The following VKORC1L1 variants were observed in gnomAD, a reference collection of about 807,000 sequenced individuals.
VKORC1L1 encodes vitamin K epoxide reductase complex subunit 1-like protein 1.
Under a neutral mutation model 18.9 loss-of-function variants are expected in VKORC1L1, and 2 were observed. The observed-to-expected ratio is 0.11, with a 90% CI of 0.04 to 0.33. The LOEUF (loss-of-function observed/expected upper bound fraction) is 0.33. Ranked by LOEUF, VKORC1L1 falls within the 10% of genes least tolerant of loss-of-function variation. The probability of loss-of-function intolerance (pLI) is 1.00; values close to 1 mark genes in which losing one functional copy is unlikely to be tolerated. For missense variants in VKORC1L1, 123 were observed against 224.1 expected, an observed-to-expected ratio of 0.55 and a Z score of 2.88; for synonymous variants, 96 against 100.0, an observed-to-expected ratio of 0.96 and a Z score of 0.24.
At chr7:65,952,295 C>G (rs538257851) in intron 2 of VKORC1L1, among the ~76,000 whole-genome samples, 1 of 152,314 alleles carries the variant, frequency 6.6e-6, no homozygotes, top group African/African-American at 2.4e-5. Flanking sequence ...CGCAGCCACT[C>G]AACTCTTCTA....
chr7:65,934,898 CA>C (rs1789915672), intron 1 of VKORC1L1, among the ~76,000 whole-genome samples: 1 of 151,752 alleles, frequency 6.6e-6, no homozygotes, highest in Non-Finnish European at 1.5e-5. Context: ...ACTAAAAATA[CA>C]AAAAATTAGC....
chr7:65,895,045 G>T (rs1789168672), intron 1 of VKORC1L1, among the ~76,000 whole-genome samples: 1 of 152,170 alleles, frequency 6.6e-6, no homozygotes, highest in African/African-American at 2.4e-5. Flanking sequence ...GTCAGTATCT[G>T]CTGTAAGTTG....
chr7:65,923,647 A>C (rs1381322279), intron 1 of VKORC1L1, among the ~76,000 whole-genome samples: 1 of 152,208 alleles, frequency 6.6e-6, no homozygotes, highest in East Asian at 1.9e-4. Context: ...ATGAAAAGGA[A>C]GGACGGTATT....
intron 1 of VKORC1L1, among the ~76,000 whole-genome samples, chr7:65,938,771 G>C (rs1789987540): frequency 6.6e-6 from 1 of 152,186 alleles, no homozygotes; most frequent in Non-Finnish European, 1.5e-5. Context: ...CTCCTAAAGA[G>C]CCCGAACAGC....
At chr7:65,915,022 C>T (rs558461372) in intron 1 of VKORC1L1, among the ~76,000 whole-genome samples, 20 of 152,070 alleles carry the variant, frequency 1.3e-4, no homozygotes, top group African/African-American at 3.9e-4. Flanking sequence ...CAAAAAAACC[C>T]GCAAATACTT....
At chr7:65,891,265 T>C (rs1439432604) in intron 1 of VKORC1L1, among the ~76,000 whole-genome samples, 4 of 152,148 alleles carry the variant, frequency 2.6e-5, no homozygotes, top group African/African-American at 9.7e-5. Context: ...ATGAACATTC[T>C]CATATATACT....
intron 1 of VKORC1L1, among the ~76,000 whole-genome samples, chr7:65,897,362 G>T (rs1789231945): frequency 6.6e-6 from 1 of 152,196 alleles, no homozygotes; most frequent in Non-Finnish European, 1.5e-5. Context: ...TAGGAAGATA[G>T]CTACTTCCGT....
At chr7:65,922,490 G>A (rs1254279189) in intron 1 of VKORC1L1, among the ~76,000 whole-genome samples, 1 of 152,082 alleles carries the variant, frequency 6.6e-6, no homozygotes, top group Non-Finnish European at 1.5e-5. Context: ...TGCCACATTG[G>A]CCAGGCTGGA....
At chr7:65,904,055 C>A (rs539358194) in intron 1 of VKORC1L1, among the ~76,000 whole-genome samples, 106 of 151,964 alleles carry the variant, frequency 7.0e-4, no homozygotes, top group African/African-American at 2.4e-3. Context: ...GATGGTTGCA[C>A]AACATTGTGA....
Position 65,957,484 on chromosome 7 carries a change from CA to C in VKORC1L1, c.*3194del, listed in dbSNP as rs768068700. On this transcript the variant is annotated 3_prime_UTR_variant, in exon 3 of 3. Transcript: ENST00000360768. ...CAACAGAGCGAGACTGTCCCCCCCC[CA>C]AAAAAAAAAGAGAGAGACTGCATTC... 1.1e-4 allele frequency: 16 copies of C among 144,064 alleles called. No individual in the cohort carries two copies. Among genetic ancestry groups the C allele is most frequent in the Non-Finnish European group, 1.5e-4 (10 of 65,454 alleles). The allele number at this position is 144,064 out of a possible 1,614,324, so 8.9% of individuals were successfully genotyped here.
intron 1 of VKORC1L1, among the ~76,000 whole-genome samples, chr7:65,896,220 T>C (rs970933903): frequency 3.9e-5 from 6 of 152,054 alleles, no homozygotes; most frequent in African/African-American, 1.4e-4. Context: ...TCACTTCTTT[T>C]GTTTAACATG....
chr7:65,912,802 TATAAA>T (rs1486984264), intron 1 of VKORC1L1, among the ~76,000 whole-genome samples: 1 of 151,166 alleles, frequency 6.6e-6, no homozygotes. Flanking sequence ...AAGATAAAAA[TATAAA>T]ATATAAAACA....
Position 65,937,775 on chromosome 7 carries a change from A to G in VKORC1L1, c.195-10896A>G, listed in dbSNP as rs572607882. The stretch of plus-strand genomic sequence containing the variant: ...AATAGACGGTTAATGGTCCTCAAAC[A>G]TTTGAGAAAAGTCTCTAGTATGAGA... On this transcript the variant is annotated intron_variant, in intron 1 of 2. Coordinates refer to ENST00000360768, the MANE Select transcript of VKORC1L1 (RefSeq NM_173517.6). Among the ~76,000 whole-genome samples the G allele has an allele frequency of 2.6e-5, 4 of 152,328 alleles. No individual in the cohort carries two copies. The East Asian group carries it at 7.7e-4, about 29-fold the overall frequency.
intron 1 of VKORC1L1, among the ~76,000 whole-genome samples, chr7:65,901,646 G>A (rs1451884070): frequency 6.6e-6 from 1 of 152,166 alleles, no homozygotes; most frequent in East Asian, 1.9e-4. Flanking sequence ...TGGTGTCTTA[G>A]AATTGGGAGG....
upstream of VKORC1L1, among the ~76,000 whole-genome samples, chr7:65,871,622 C>G (rs896622961): frequency 6.6e-6 from 1 of 152,224 alleles, no homozygotes; most frequent in African/African-American, 2.4e-5. Context: ...CTTCCTCTTT[C>G]TCCTCCCTCT....
intron 1 of VKORC1L1, among the ~76,000 whole-genome samples, chr7:65,940,692 A>G (rs1790019068): frequency 6.6e-6 from 1 of 152,204 alleles, no homozygotes; most frequent in Non-Finnish European, 1.5e-5. Flanking sequence ...GATCTTGTTT[A>G]AAGTATTGCT....
chr7:65,928,982 A>T (rs190967555), intron 1 of VKORC1L1, among the ~76,000 whole-genome samples: 3 of 152,338 alleles, frequency 2.0e-5, no homozygotes, highest in African/African-American at 7.2e-5. Flanking sequence ...TTTCTCTAAT[A>T]ACTAAAGATA....
chr7:65,913,690 G>A (rs1219818216), intron 1 of VKORC1L1, among the ~76,000 whole-genome samples: 1 of 128,508 alleles, frequency 7.8e-6, no homozygotes, highest in Non-Finnish European at 1.6e-5. Context: ...TCGGGCCACT[G>A]CACTCCAGCC....
chr7:65,924,771 CAA>C (rs2115636262), intron 1 of VKORC1L1, among the ~76,000 whole-genome samples: 1 of 152,216 alleles, frequency 6.6e-6, no homozygotes, highest in South Asian at 2.1e-4. Flanking sequence ...GATGTGGTAA[CAA>C]ATGATGAAGT....
Sources: gnomAD v4.1 joint callset for allele counts (sites outside exome capture counted in the v4.1 genomes callset) on GRCh38, gnomAD v4.1.1 for gene constraint, MANE v1.5 for transcripts, NCBI Gene and HGNC (gene_info 2026-07-23, HGNC 2026-07-21) for gene names.